Variants in GNB5 observed in about 807,000 individuals in gnomAD.
The protein encoded by GNB5 is G protein subunit beta 5, also known as guanine nucleotide-binding protein subunit beta-5.
GNB5 carries 37 observed loss-of-function variants against 55.3 expected under a neutral mutation model. The ratio of observed to expected loss-of-function variants is 0.67; its 90% CI spans 0.51 to 0.88. GNB5 has a LOEUF of 0.88. Ranked by LOEUF, GNB5 falls within the 40% of genes least tolerant of loss-of-function variation. The pLI is 0.00. For synonymous variants in GNB5, 219 were observed against 198.5 expected (o/e 1.10, Z -0.87); for missense variants, 476 against 515.3 (o/e 0.92, Z 0.74).
chr15:52,188,674 G>A (rs1596116427), intron 1 of GNB5, among the ~76,000 whole-genome samples: 1 of 152,184 alleles, frequency 6.6e-6, no homozygotes, highest in Non-Finnish European at 1.5e-5. Flanking sequence ...AAGTTGCTCT[G>A]CAGTAGTTCA....
intron 1 of GNB5, among the ~76,000 whole-genome samples, chr15:52,190,841 C>T (rs1017342427): frequency 7.4e-6 from 1 of 134,748 alleles, no homozygotes; most frequent in Non-Finnish European, 1.5e-5. Flanking sequence ...AGCAGCTATT[C>T]ATAGAAGGCC....
intron 3 of GNB5, among the ~76,000 whole-genome samples, chr15:52,154,929 C>T (rs1156673240): frequency 6.6e-6 from 1 of 152,196 alleles, no homozygotes; most frequent in African/African-American, 2.4e-5. Context: ...CAAGGGCAGG[C>T]TTTCTAGGGG....
intron 3 of GNB5, among the ~76,000 whole-genome samples, chr15:52,177,615 T>C (rs1383147107): frequency 5.4e-5 from 8 of 148,734 alleles, no homozygotes; most frequent in Admixed American, 2.7e-4. Context: ...TGTGCCATTG[T>C]ACTCCAGCCT....
Position 52,117,702 on chromosome 15 carries a change from G to A in GNB5, c.*5055C>T, listed in dbSNP as rs1254693915. 6.6e-6 allele frequency: 1 copy of A among 152,294 alleles called. No homozygotes were observed. Among genetic ancestry groups the A allele is most frequent in the Non-Finnish European group, 1.5e-5 (1 of 68,108 alleles). The allele number at this position is 152,294 out of a possible 1,614,324, so 9.4% of individuals were successfully genotyped here. A position where few individuals can be genotyped will look rare whatever the true frequency, so the allele number is the denominator to read the frequency against. On this transcript the variant is annotated 3_prime_UTR_variant, in exon 13 of 13. Transcript: ENST00000261837. ...GAGTGACCCAATTCTCTCCGGTCAC[G>A]GATGAGAGGGCAAGTGGTTTAGCAT... is the stretch of plus-strand genomic sequence containing the variant.
intron 2 of GNB5, 64 bp from the exon 3 acceptor site, chr15:52,179,943 G>C (rs2034737158): frequency 2.1e-6 from 3 of 1,432,954 alleles, no homozygotes; most frequent in Middle Eastern, 2.1e-4. Context: ...CGCGGCGGGC[G>C]CCGCTCCAGC....
At chr15:52,172,962 CG>C (rs1361766006) in intron 3 of GNB5, among the ~76,000 whole-genome samples, 1 of 152,024 alleles carries the variant, frequency 6.6e-6, no homozygotes, top group African/African-American at 2.4e-5. Context: ...TAAAAAAAAT[CG>C]GCACCTTTTC....
intron 6 of GNB5, among the ~76,000 whole-genome samples, chr15:52,146,058 G>A (rs556614190): frequency 4.8e-4 from 71 of 148,276 alleles, no homozygotes; most frequent in Non-Finnish European, 6.8e-4. Flanking sequence ...CTGGGTTCAC[G>A]CCATTCTCCT....
At chr15:52,157,101 A>C (rs2034224836) in intron 3 of GNB5, among the ~76,000 whole-genome samples, 1 of 151,264 alleles carries the variant, frequency 6.6e-6, no homozygotes, top group Non-Finnish European at 1.5e-5. Flanking sequence ...ACTCCTGGCT[A>C]ATTTTTTGTA....
At chr15:52,180,123 G>A (rs753286122) in intron 2 of GNB5, 39 of 330,382 alleles carry the variant, frequency 1.2e-4, no homozygotes, top group Middle Eastern at 9.0e-4. Context: ...GGGAGAGGCA[G>A]GGAGTGTGAC....
intron 4 of GNB5, among the ~76,000 whole-genome samples, chr15:52,151,205 G>A (rs1368049931): frequency 6.6e-6 from 1 of 152,144 alleles, no homozygotes; most frequent in Non-Finnish European, 1.5e-5. Flanking sequence ...AAACTGGAGT[G>A]GGGCCACACA....
chr15:52,128,186 A>C lies in GNB5; in HGVS notation c.912+10T>G, dbSNP rs768333049. 1.3e-6 allele frequency: 2 copies of C among 1,593,334 alleles called. No individual in the cohort carries two copies. Among genetic ancestry groups the C allele is most frequent in the Non-Finnish European group, 1.7e-6 (2 of 1,161,286 alleles). Reference sequence around the variant, plus strand: ...GACTAGGAAAAGCTCTCAAAAACTTAGAAACATACCGTAGCGTCATCTGAC... The same window carrying C: ...GACTAGGAAAAGCTCTCAAAAACTTCGAAACATACCGTAGCGTCATCTGAC... On this transcript the variant is annotated intron_variant, in intron 10 of 12. Coordinates refer to ENST00000261837, the MANE Select transcript of GNB5 (RefSeq NM_016194.4).
rs116062019 is a variant in GNB5, at chr15:52,127,559, A to C, written c.912+637T>G. Among the ~76,000 whole-genome samples the C allele has an allele frequency of 7.9e-3, 1,209 of 152,194 alleles. 16 individuals are homozygous for C. The highest frequency in any genetic ancestry group is 0.028 in the African/African-American group (1,159 of 41,552). ...GTATCTTTGATATACAGAAGTTTTA[A>C]ATTTTCATTATTTCAAAACTCTCAA... On this transcript the variant is annotated intron_variant, in intron 10 of 12. Transcript: ENST00000261837.
intron 6 of GNB5, 161 bp downstream of exon 6, chr15:52,147,298 G>A: frequency 1.7e-6 from 1 of 592,302 alleles, no homozygotes; most frequent in Non-Finnish European, 3.1e-6. Flanking sequence ...CCACTGTGCT[G>A]GCTTATGGTT....
chr15:52,141,238 T>C lies in GNB5; in HGVS notation c.529A>G (p.Thr177Ala). The change falls in exon 7 of 13, where the codon ACG becomes GCG. Residue 177 changes from threonine to alanine, a missense_variant. Coordinates refer to ENST00000261837, the MANE Select transcript of GNB5 (RefSeq NM_016194.4). ...GCCATGTTTTCATTTTTGTCAAACG[T>C]CAAGGGGTACACAGAACACTTATTA... ...LDNKCSVYPL[T>A]FDKNENMAAK... 6.2e-7 allele frequency: 1 copy of C among 1,613,848 alleles called. No homozygotes were observed. The highest frequency in any genetic ancestry group is 1.1e-5 in the South Asian group (1 of 91,078).
At chr15:52,147,573 C>T in intron 5 of GNB5, 38 bp from the exon 6 acceptor site, 4 of 1,117,286 alleles carry the variant, frequency 3.6e-6, no homozygotes, top group Admixed American at 2.4e-5. Context: ...AGCACTTCCA[C>T]ACAAAAATCT....
In GNB5 at chr15:52,169,916, A is replaced by G. The variant is rs149237099; in HGVS notation, c.238+9852T>C. On this transcript the variant is annotated intron_variant, in intron 3 of 12. Coordinates refer to ENST00000261837, the MANE Select transcript of GNB5 (RefSeq NM_016194.4). ...AAGTGGGCAAAGGACATGAACAGAC[A>G]CTTCTCAAAAGAAGACACTCATGCA... Among the ~76,000 whole-genome samples, 4 of 152,368 alleles carry G rather than the reference A, an allele frequency of 2.6e-5. No homozygotes were observed. In the East Asian group the frequency reaches 7.7e-4, roughly 29 times the overall value.
intron 10 of GNB5, among the ~76,000 whole-genome samples, chr15:52,127,774 G>A (rs2033465053): frequency 6.6e-6 from 1 of 150,906 alleles, no homozygotes. Context: ...CTAAGGAAAT[G>A]ATGAGAGGTA....
chr15:52,125,142 G>A (rs2033389250), intron 11 of GNB5: 1 of 152,812 alleles, frequency 6.5e-6, no homozygotes. Context: ...AAATGGAGTG[G>A]TCCAGGTAGC....
At chr15:52,182,694 T>C (rs906876642) in intron 2 of GNB5, among the ~76,000 whole-genome samples, 4 of 151,986 alleles carry the variant, frequency 2.6e-5, no homozygotes, top group African/African-American at 9.7e-5. Flanking sequence ...TCCCAAACAG[T>C]TGGATGAAAG....
Sources: gnomAD v4.1 joint callset for allele counts (sites outside exome capture counted in the v4.1 genomes callset) on GRCh38, gnomAD v4.1.1 for gene constraint, MANE v1.5 for transcripts, NCBI Gene and HGNC (gene_info 2026-07-23, HGNC 2026-07-21) for gene names.